The following AOPEP variants were observed in gnomAD, a reference collection of about 807,000 sequenced individuals.
The protein encoded by AOPEP is aminopeptidase O (putative), also known as aminopeptidase O.
AOPEP carries 77 observed loss-of-function variants against 98.1 expected under a neutral mutation model. The observed-to-expected ratio is 0.78, with a 90% CI of 0.65 to 0.95. The LOEUF (loss-of-function observed/expected upper bound fraction) is 0.95. AOPEP is among the 40% of genes least tolerant of loss of function. AOPEP has a pLI of 0.00. For missense variants in AOPEP, 1,024 were observed against 1,024.7 expected (o/e 1.00, Z 0.01); for synonymous variants, 346 against 365.3 (o/e 0.95, Z 0.60).
intron 13 of AOPEP, among the ~76,000 whole-genome samples, chr9:95,058,014 AG>A (rs1564583648): frequency 6.6e-6 from 1 of 152,138 alleles, no homozygotes; most frequent in African/African-American, 2.4e-5. Context: ...TAAGTCAGGG[AG>A]TTTAGCTTTA....
the AOPEP span, among the ~76,000 whole-genome samples, chr9:95,103,463 G>A: frequency 1.3e-5 from 2 of 152,224 alleles, no homozygotes; most frequent in African/African-American, 4.8e-5. Flanking sequence ...AGCAGCAGGA[G>A]GCAGGAGAAG....
chr9:94,962,593 CTAGT>C (rs1465544326), intron 9 of AOPEP, among the ~76,000 whole-genome samples: 4 of 152,128 alleles, frequency 2.6e-5, no homozygotes, highest in African/African-American at 9.7e-5. Flanking sequence ...GTGTAAATTG[CTAGT>C]TAGTTATTGA....
chr9:94,955,432 C>T (rs1037674752), intron 8 of AOPEP, among the ~76,000 whole-genome samples, 153 bp downstream of exon 8: 1 of 152,194 alleles, frequency 6.6e-6, no homozygotes, highest in African/African-American at 2.4e-5. Context: ...AATTAAAGCA[C>T]TTCATGCCCA....
intron 13 of AOPEP, among the ~76,000 whole-genome samples, chr9:95,008,960 T>G (rs977175921): frequency 3.9e-5 from 6 of 152,216 alleles, no homozygotes; most frequent in Non-Finnish European, 5.9e-5. Flanking sequence ...TCCTCAGGTA[T>G]TTTTTTCTTC....
At chr9:94,867,925 C>T (rs2045889756) in intron 5 of AOPEP, among the ~76,000 whole-genome samples, 1 of 152,158 alleles carries the variant, frequency 6.6e-6, no homozygotes, top group African/African-American at 2.4e-5. Flanking sequence ...TCAGACCAGC[C>T]AGGAAAATGA....
At chr9:95,039,031 A>G (rs1406828742) in intron 13 of AOPEP, among the ~76,000 whole-genome samples, 1 of 152,204 alleles carries the variant, frequency 6.6e-6, no homozygotes, top group African/African-American at 2.4e-5. Flanking sequence ...CAAAGTGACC[A>G]GCTCTGGGTT....
intron 5 of AOPEP, among the ~76,000 whole-genome samples, chr9:94,818,096 C>T (rs567715755): frequency 2.0e-5 from 3 of 152,198 alleles, no homozygotes; most frequent in Non-Finnish European, 4.4e-5. Context: ...GAGAGCTCTG[C>T]TTTGCAGTCA....
intron 2 of AOPEP, chr9:94,763,413 G>C (rs541065994): frequency 4.9e-6 from 1 of 203,044 alleles, no homozygotes; most frequent in East Asian, 1.4e-4. Flanking sequence ...GTATCAAAAT[G>C]AAATAGCTTA....
intron 1 of AOPEP, among the ~76,000 whole-genome samples, chr9:94,736,842 A>T (rs941504449): frequency 3.3e-5 from 5 of 152,094 alleles, no homozygotes; most frequent in African/African-American, 1.2e-4. Context: ...TGGGCCCACC[A>T]CTCTGCAGTG....
chr9:94,987,120 G>A (rs1360326665), intron 11 of AOPEP, among the ~76,000 whole-genome samples: 1 of 152,210 alleles, frequency 6.6e-6, no homozygotes, highest in African/African-American at 2.4e-5. Context: ...TTCTTGATGA[G>A]AGACTGTGGA....
intron 5 of AOPEP, among the ~76,000 whole-genome samples, chr9:94,831,641 G>A (rs1288498919): frequency 6.6e-6 from 1 of 151,982 alleles, no homozygotes; most frequent in Non-Finnish European, 1.5e-5. Flanking sequence ...AAATTACTTT[G>A]GTCAGTATGG....
intron 5 of AOPEP, among the ~76,000 whole-genome samples, chr9:94,899,142 TG>T (rs1187268970): frequency 6.7e-6 from 1 of 150,226 alleles, no homozygotes. Flanking sequence ...AGTGGAGGAC[TG>T]ATGGGAGGAG....
At chr9:95,060,603 C>T in intron 13 of AOPEP, 91 bp from the exon 14 acceptor site, 1 of 850,218 alleles carries the variant, frequency 1.2e-6, no homozygotes, top group South Asian at 1.4e-5. Context: ...ACCCAGGTTA[C>T]CCTGGGTATG....
At chr9:95,141,939 T>C in the AOPEP span, among the ~76,000 whole-genome samples, 1 of 151,344 alleles carries the variant, frequency 6.6e-6, no homozygotes, top group Non-Finnish European at 1.5e-5. Context: ...ATAATACAAT[T>C]ACTAGAGTCA....
At chr9:95,084,986 C>T (rs3802448) in intron 16 of AOPEP, among the ~76,000 whole-genome samples, 6 of 152,224 alleles carry the variant, frequency 3.9e-5, no homozygotes, top group Non-Finnish European at 8.8e-5. Flanking sequence ...GTCGCATGGC[C>T]GGTCCCTGCA....
At chr9:95,031,903 C>T (rs984629443) in intron 13 of AOPEP, among the ~76,000 whole-genome samples, 1 of 152,178 alleles carries the variant, frequency 6.6e-6, no homozygotes, top group South Asian at 2.1e-4. Flanking sequence ...TTTGATGTTG[C>T]AGAGCCCCCG....
the AOPEP span, among the ~76,000 whole-genome samples, chr9:95,144,137 G>C: frequency 1.4e-4 from 22 of 152,306 alleles, no homozygotes; most frequent in East Asian, 4.2e-3. Flanking sequence ...TCTGGGGAGG[G>C]GGGGCTGGGC....
At chr9:95,034,555 A>C (rs1291987214) in intron 13 of AOPEP, among the ~76,000 whole-genome samples, 1 of 152,216 alleles carries the variant, frequency 6.6e-6, no homozygotes, top group African/African-American at 2.4e-5. Flanking sequence ...AAGGAGAGAT[A>C]ATCATGAAAC....
At chr9:94,837,088 A>AT (rs2041698205) in intron 5 of AOPEP, among the ~76,000 whole-genome samples, 1 of 152,178 alleles carries the variant, frequency 6.6e-6, no homozygotes, top group Admixed American at 6.5e-5. Context: ...TACAACCAAC[A>AT]CCACAGAAAT....
Sources: gnomAD v4.1 joint callset for allele counts (sites outside exome capture counted in the v4.1 genomes callset) on GRCh38, gnomAD v4.1.1 for gene constraint, MANE v1.5 for transcripts, NCBI Gene and HGNC (gene_info 2026-07-23, HGNC 2026-07-21) for gene names.